The following DYRK1A variants were observed in gnomAD, a reference collection of about 807,000 sequenced individuals.
DYRK1A encodes dual specificity tyrosine-phosphorylation-regulated kinase 1A.
A neutral mutation model predicts 79.7 loss-of-function variants in DYRK1A; 9 were observed. The observed-to-expected ratio is 0.11, with a 90% CI of 0.07 to 0.20. The LOEUF (loss-of-function observed/expected upper bound fraction) is 0.20, where lower values mean the gene tolerates loss of function less well. DYRK1A is among the 10% of genes least tolerant of loss of function. DYRK1A has a pLI of 1.00. For synonymous variants in DYRK1A, 349 were observed against 329.7 expected (o/e 1.06, Z -0.63); for missense variants, 622 against 956.0 (o/e 0.65, Z 4.61).
At chr21:37,429,636 G>A (rs1480486521) in intron 2 of DYRK1A, among the ~76,000 whole-genome samples, 1 of 152,150 alleles carries the variant, frequency 6.6e-6, no homozygotes, top group East Asian at 1.9e-4. Flanking sequence ...CTTTCAAGAG[G>A]CCTCTCCTCC....
chr21:37,393,451 CTCCCCAA>C (rs2049907092), intron 1 of DYRK1A, among the ~76,000 whole-genome samples: 1 of 152,238 alleles, frequency 6.6e-6, no homozygotes, highest in African/African-American at 2.4e-5. Flanking sequence ...GGGGTCTTGA[CTCCCCAA>C]CCACCAATAG....
chr21:37,385,539 A>G (rs1382170430), intron 1 of DYRK1A, among the ~76,000 whole-genome samples: 2 of 152,188 alleles, frequency 1.3e-5, no homozygotes, highest in Non-Finnish European at 2.9e-5. Flanking sequence ...ACGTGTCATA[A>G]CCATGGACAT....
chr21:37,435,119 A>G (rs1242448999), intron 2 of DYRK1A, among the ~76,000 whole-genome samples: 1 of 152,226 alleles, frequency 6.6e-6, no homozygotes, highest in Non-Finnish European at 1.5e-5. Flanking sequence ...TTTTGTTCTA[A>G]ACGTGAAAGT....
rs1237906162 is a variant in DYRK1A at position 37,515,417 on chromosome 21, T to C, written c.*2886T>C. 2 of 152,454 alleles carry C rather than the reference T, an allele frequency of 1.3e-5. No homozygotes were observed. Among genetic ancestry groups the C allele is most frequent in the African/African-American group, 4.8e-5 (2 of 41,470 alleles). The allele number at this position is 152,454 out of a possible 1,614,324, so 9.4% of individuals were successfully genotyped here. ...ACATTGATTTTTTTATTTGAATGTTTACATAATTTTGTGATTCAAAATGCT... is the reference window on the plus strand; with the variant it reads ...ACATTGATTTTTTTATTTGAATGTTCACATAATTTTGTGATTCAAAATGCT... On this transcript the variant is annotated 3_prime_UTR_variant, in exon 12 of 12. Transcript: ENST00000647188.
chr21:37,409,511 C>T (rs1374830805), intron 1 of DYRK1A, among the ~76,000 whole-genome samples: 1 of 152,126 alleles, frequency 6.6e-6, no homozygotes, highest in African/African-American at 2.4e-5. Context: ...CTTTTTAACT[C>T]TGTTGGAGTT....
At chr21:37,478,536 T>C (rs909280010) in intron 4 of DYRK1A, among the ~76,000 whole-genome samples, 4 of 152,182 alleles carry the variant, frequency 2.6e-5, no homozygotes, top group African/African-American at 9.6e-5. Flanking sequence ...GTATTTAATA[T>C]ACTGTTATTT....
intron 2 of DYRK1A, among the ~76,000 whole-genome samples, chr21:37,432,651 C>T (rs2148457173): frequency 6.6e-6 from 1 of 152,194 alleles, no homozygotes; most frequent in East Asian, 1.9e-4. Context: ...TATGATTTGT[C>T]ATTTGAGATG....
At chr21:37,440,538 C>T (rs547346563) in intron 2 of DYRK1A, among the ~76,000 whole-genome samples, 66 of 152,182 alleles carry the variant, frequency 4.3e-4, no homozygotes, top group African/African-American at 1.0e-3. Context: ...TAATATTCTC[C>T]GTAACTATTG....
intron 2 of DYRK1A, among the ~76,000 whole-genome samples, chr21:37,461,568 C>A (rs187481404): frequency 1.1e-3 from 161 of 152,308 alleles, no homozygotes; most frequent in African/African-American, 3.7e-3. Context: ...GGCGGATCTA[C>A]TGTTGACAAA....
At chr21:37,441,981 G>T (rs2051119550) in intron 2 of DYRK1A, among the ~76,000 whole-genome samples, 1 of 141,520 alleles carries the variant, frequency 7.1e-6, no homozygotes, top group African/African-American at 2.6e-5. Flanking sequence ...TTTTTTGACA[G>T]ATATTTTCAG....
chr21:37,477,072 C>T (rs2052425415), intron 3 of DYRK1A, among the ~76,000 whole-genome samples: 1 of 152,160 alleles, frequency 6.6e-6, no homozygotes, highest in South Asian at 2.1e-4. Context: ...CCTGTTCTGT[C>T]CACTGGTACA....
intron 1 of DYRK1A, among the ~76,000 whole-genome samples, chr21:37,398,067 TA>T (rs111780739): frequency 0.29 from 28,418 of 98,818 alleles, 3,033 homozygotes; most frequent in South Asian, 0.42. Context: ...CCTCATCTCT[TA>T]AAAAAAAAAT....
At chr21:37,475,059 T>G (rs1169596515) in intron 3 of DYRK1A, among the ~76,000 whole-genome samples, 1 of 152,148 alleles carries the variant, frequency 6.6e-6, no homozygotes, top group African/African-American at 2.4e-5. Context: ...AAGAATCTTT[T>G]CAGGACAAAA....
At chr21:37,429,840 C>T (rs751466933) in intron 2 of DYRK1A, among the ~76,000 whole-genome samples, 1 of 152,220 alleles carries the variant, frequency 6.6e-6, no homozygotes, top group South Asian at 2.1e-4. Context: ...TCCTTTTCCT[C>T]GTTTCCACTT....
intron 4 of DYRK1A, among the ~76,000 whole-genome samples, chr21:37,479,503 G>A (rs967329766): frequency 2.8e-4 from 41 of 147,528 alleles, no homozygotes; most frequent in Admixed American, 2.6e-3. Context: ...TTATAATTTC[G>A]CCAAAGTTAG....
At position 37,512,677 on chromosome 21, in the gene DYRK1A, T is replaced by A; in HGVS notation, c.*146T>A. 2 of 893,874 alleles carry A rather than the reference T, an allele frequency of 2.2e-6. No individual in the cohort carries two copies. Among genetic ancestry groups the A allele is most frequent in the Non-Finnish European group, 3.3e-6 (2 of 601,142 alleles). The allele number at this position is 893,874 out of a possible 1,614,324, so 55.4% of individuals were successfully genotyped here. On this transcript the variant is annotated 3_prime_UTR_variant, in exon 12 of 12. Transcript: ENST00000647188. ...GGGCAAAGCTGATTTTTTTTTTAACTTGAAAAGATTGCAAAGGGACATTGA... is the reference window on the plus strand; with the variant it reads ...GGGCAAAGCTGATTTTTTTTTTAACATGAAAAGATTGCAAAGGGACATTGA...
Position 37,480,661 on chromosome 21 carries a change from A to G in DYRK1A, c.324A>G (p.Arg108=). The part of the protein sequence containing the change: ...INEVYYAKKK[R]RHQQGQGDDS... The stretch of plus-strand genomic sequence containing the variant: ...AGGTTTACTATGCAAAAAAGAAGCG[A>G]AGACACCAACAGGGCCAGGGAGACG... The change falls in exon 5 of 12, where the codon CGA becomes CGG. Residue 108 remains arginine, a synonymous_variant. Transcript: ENST00000647188. The G allele has an allele frequency of 6.3e-7, 1 of 1,594,016 alleles. No individual in the cohort carries two copies. Among genetic ancestry groups the G allele is most frequent in the Non-Finnish European group, 8.5e-7 (1 of 1,174,202 alleles).
intron 1 of DYRK1A, among the ~76,000 whole-genome samples, chr21:37,412,790 C>G (rs146024879): frequency 6.6e-6 from 1 of 152,070 alleles, no homozygotes; most frequent in Admixed American, 6.6e-5. Flanking sequence ...ACATGTGGTG[C>G]AGGAATGTGA....
At chr21:37,415,746 CA>C (rs1569303020) in intron 1 of DYRK1A, among the ~76,000 whole-genome samples, 1 of 152,094 alleles carries the variant, frequency 6.6e-6, no homozygotes, top group East Asian at 1.9e-4. Flanking sequence ...GGATTACAGG[CA>C]TGAGCTGCTG....
Sources: gnomAD v4.1 joint callset for allele counts (sites outside exome capture counted in the v4.1 genomes callset) on GRCh38, gnomAD v4.1.1 for gene constraint, MANE v1.5 for transcripts, NCBI Gene and HGNC (gene_info 2026-07-23, HGNC 2026-07-21) for gene names.